The following ZHX2 variants were observed in gnomAD, a reference collection of about 807,000 sequenced individuals.
ZHX2 encodes zinc fingers and homeoboxes protein 2.
Under a neutral mutation model 21.9 loss-of-function variants are expected in ZHX2, and 6 were observed. The ratio of observed to expected loss-of-function variants is 0.27; its 90% CI spans 0.15 to 0.54. The LOEUF (loss-of-function observed/expected upper bound fraction) is 0.54, where lower values mean the gene tolerates loss of function less well. ZHX2 is among the 20% of genes least tolerant of loss of function. ZHX2 has a pLI of 0.95. For missense variants in ZHX2, 908 were observed against 1,090.7 expected, an observed-to-expected ratio of 0.83 and a Z score of 2.36; for synonymous variants, 434 against 437.1, an observed-to-expected ratio of 0.99 and a Z score of 0.09.
At chr8:122,882,609 G>A (rs1373444844) in intron 2 of ZHX2, among the ~76,000 whole-genome samples, 8 of 152,006 alleles carry the variant, frequency 5.3e-5, no homozygotes, top group South Asian at 2.1e-4. Context: ...CAGCCACCCC[G>A]CCTGAGTGGT....
At chr8:122,827,183 C>A (rs1818281513) in intron 1 of ZHX2, among the ~76,000 whole-genome samples, 1 of 152,068 alleles carries the variant, frequency 6.6e-6, no homozygotes, top group Non-Finnish European at 1.5e-5. Context: ...CCATGCCTAG[C>A]TAATTTTGGG....
At chr8:122,908,795 AC>A (rs1210469889) in intron 2 of ZHX2, among the ~76,000 whole-genome samples, 2 of 152,166 alleles carry the variant, frequency 1.3e-5, no homozygotes, top group East Asian at 3.9e-4. Flanking sequence ...CAAAGGGAAG[AC>A]TTGCTTGCAC....
intron 1 of ZHX2, among the ~76,000 whole-genome samples, chr8:122,783,942 G>A (rs13280282): frequency 0.24 from 35,965 of 152,210 alleles, 5,045 homozygotes; most frequent in Middle Eastern, 0.31. Flanking sequence ...GTTCTCTTGC[G>A]CACTTGTACC....
At chr8:122,954,088 C>T in intron 3 of ZHX2, 60 bp downstream of exon 3, 1 of 1,441,762 alleles carries the variant, frequency 6.9e-7, no homozygotes, top group Non-Finnish European at 9.3e-7. Context: ...CTTTTCGTTG[C>T]CAGGGTTAAT....
At chr8:122,862,960 G>A (rs1819203330) in intron 1 of ZHX2, among the ~76,000 whole-genome samples, 1 of 152,200 alleles carries the variant, frequency 6.6e-6, no homozygotes, top group South Asian at 2.1e-4. Context: ...GCTCTCCCGA[G>A]GAATTTTCAA....
At chr8:122,787,155 T>C (rs892371633) in intron 1 of ZHX2, among the ~76,000 whole-genome samples, 3 of 151,982 alleles carry the variant, frequency 2.0e-5, no homozygotes, top group African/African-American at 4.8e-5. Flanking sequence ...GACAACAGTA[T>C]ATCAATTTCC....
At chr8:122,956,712 C>T (rs1813312644) in intron 3 of ZHX2, among the ~76,000 whole-genome samples, 1 of 152,208 alleles carries the variant, frequency 6.6e-6, no homozygotes. Context: ...TTTTCCATAA[C>T]AGACAAGCTA....
At chr8:122,837,144 C>T (rs1437803898) in intron 1 of ZHX2, among the ~76,000 whole-genome samples, 4 of 152,138 alleles carry the variant, frequency 2.6e-5, no homozygotes, top group Non-Finnish European at 4.4e-5. Context: ...AGAATCCACC[C>T]CTTGTTTAGC....
At chr8:122,914,475 C>T (rs745454869) in intron 2 of ZHX2, among the ~76,000 whole-genome samples, 6 of 152,230 alleles carry the variant, frequency 3.9e-5, no homozygotes, top group Non-Finnish European at 8.8e-5. Flanking sequence ...CTCCAGGCCC[C>T]ATTTCAGCCC....
At chr8:122,908,473 A>G (rs28758993) in intron 2 of ZHX2, among the ~76,000 whole-genome samples, 9,417 of 151,924 alleles carry the variant, frequency 0.062, 835 homozygotes, top group African/African-American at 0.2. Context: ...GCCTCCCAAA[A>G]TGCTGGGATT....
chr8:122,833,043 C>G (rs1472198390), intron 1 of ZHX2, among the ~76,000 whole-genome samples: 1 of 152,066 alleles, frequency 6.6e-6, no homozygotes, highest in Non-Finnish European at 1.5e-5. Flanking sequence ...TAGTACACAC[C>G]AGGTGAGCCG....
chr8:122,825,627 C>T (rs1289937294), intron 1 of ZHX2, among the ~76,000 whole-genome samples: 1 of 152,160 alleles, frequency 6.6e-6, no homozygotes, highest in Admixed American at 6.5e-5. Context: ...ACCAGGGGCT[C>T]AGAGTCCATG....
At chr8:122,913,271 T>C (rs556285287) in intron 2 of ZHX2, among the ~76,000 whole-genome samples, 2 of 152,256 alleles carry the variant, frequency 1.3e-5, no homozygotes, top group Admixed American at 6.5e-5. Context: ...AGTTTAGCCA[T>C]GCATCTGTTA....
intron 1 of ZHX2, among the ~76,000 whole-genome samples, chr8:122,856,902 A>G (rs886606671): frequency 6.6e-6 from 1 of 152,072 alleles, no homozygotes; most frequent in Non-Finnish European, 1.5e-5. Context: ...TTCCCAACAC[A>G]CACAGGTAAA....
intron 1 of ZHX2, among the ~76,000 whole-genome samples, chr8:122,818,327 T>C (rs1237722721): frequency 6.6e-6 from 1 of 151,864 alleles, no homozygotes; most frequent in Non-Finnish European, 1.5e-5. Context: ...ATTTTGCCTA[T>C]AGTCATCTGA....
intron 1 of ZHX2, among the ~76,000 whole-genome samples, chr8:122,831,436 GC>G (rs1181540187): frequency 2.0e-5 from 3 of 152,208 alleles, no homozygotes; most frequent in South Asian, 2.1e-4. Flanking sequence ...ACTTGTGGAG[GC>G]TTTGGAGGTG....
intron 2 of ZHX2, among the ~76,000 whole-genome samples, chr8:122,934,778 T>C (rs776073901): frequency 9.2e-5 from 14 of 151,560 alleles, no homozygotes; most frequent in Non-Finnish European, 1.3e-4. Flanking sequence ...AACCTCTGCC[T>C]CCCGTGTTCA....
intron 2 of ZHX2, among the ~76,000 whole-genome samples, chr8:122,925,163 G>C (rs1053792788): frequency 2.0e-5 from 3 of 152,234 alleles, no homozygotes; most frequent in Non-Finnish European, 4.4e-5. Flanking sequence ...TTTGGAGTAA[G>C]TTAAACTGAT....
chr8:122,903,294 A>C (rs1178321725), intron 2 of ZHX2, among the ~76,000 whole-genome samples: 1 of 152,214 alleles, frequency 6.6e-6, no homozygotes, highest in Non-Finnish European at 1.5e-5. Flanking sequence ...ACTGACAGGC[A>C]GGGGCCTTTA....
Sources: allele counts gnomAD v4.1 joint callset (sites outside exome capture counted in the v4.1 genomes callset), GRCh38; gene constraint gnomAD v4.1.1; transcripts MANE v1.5; gene names NCBI Gene and HGNC (gene_info 2026-07-23, HGNC 2026-07-21).